INPP4B: variants seen among roughly 807,000 people sequenced by gnomAD.
The protein encoded by INPP4B is inositol polyphosphate-4-phosphatase type II B.
INPP4B carries 55 observed loss-of-function variants against 122.5 expected under a neutral mutation model. The ratio of observed to expected loss-of-function variants is 0.45; its 90% CI spans 0.36 to 0.56. The LOEUF (loss-of-function observed/expected upper bound fraction) is 0.56. Ranked by LOEUF, INPP4B falls within the 20% of genes least tolerant of loss-of-function variation. INPP4B has a pLI of 0.00. For synonymous variants in INPP4B, 403 were observed against 388.7 expected, an observed-to-expected ratio of 1.04 and a Z score of -0.43; for missense variants, 1,000 against 1,097.7, an observed-to-expected ratio of 0.91 and a Z score of 1.26.
intron 2 of INPP4B, among the ~76,000 whole-genome samples, chr4:142,482,720 C>T: frequency 6.6e-6 from 1 of 152,088 alleles, no homozygotes; most frequent in East Asian, 1.9e-4. Context: ...ATGCTTTGTA[C>T]TGAGATTAAA....
Position 142,617,601 on chromosome 4 carries a change from T to C in INPP4B, c.-191+108238A>G, listed in dbSNP as rs540274329. On this transcript the variant is annotated intron_variant, in intron 2 of 25. Coordinates refer to ENST00000262992, the MANE Select transcript of INPP4B (RefSeq NM_001101669.3). ...AAGAGAGAAGGCGCTGCCATTAATT[T>C]CATAAAGGTTAGCCCGTGAGCAATA... 2.6e-4 allele frequency among the ~76,000 whole-genome samples: 39 copies of C among 152,204 alleles called. No individual in the cohort carries two copies. The South Asian group carries it at 8.1e-3, about 32-fold the overall frequency.
intron 1 of INPP4B, among the ~76,000 whole-genome samples, chr4:142,834,709 A>G (rs1214179671): frequency 6.6e-6 from 1 of 152,166 alleles, no homozygotes; most frequent in East Asian, 1.9e-4. Flanking sequence ...TCCCATTGCA[A>G]TGTTTTTGTT....
At chr4:142,429,037 T>A (rs541827310) in intron 5 of INPP4B, 136 bp downstream of exon 5, 2 of 570,928 alleles carry the variant, frequency 3.5e-6, no homozygotes, top group African/African-American at 3.9e-5. Flanking sequence ...ACCTACCTTA[T>A]AGAACAATTT....
At chr4:142,187,686 C>A (rs1833780688) in intron 15 of INPP4B, among the ~76,000 whole-genome samples, 1 of 152,026 alleles carries the variant, frequency 6.6e-6, no homozygotes, top group Admixed American at 6.6e-5. Flanking sequence ...CTCCACCTTG[C>A]AGGCTCAAGT....
intron 7 of INPP4B, among the ~76,000 whole-genome samples, chr4:142,315,349 C>A (rs1767140505): frequency 6.6e-6 from 1 of 152,098 alleles, no homozygotes; most frequent in Non-Finnish European, 1.5e-5. Context: ...ATATCATCAT[C>A]TGAATTTACT....
intron 2 of INPP4B, among the ~76,000 whole-genome samples, chr4:142,539,839 T>C (rs756043872): frequency 6.6e-6 from 1 of 152,066 alleles, no homozygotes; most frequent in Admixed American, 6.6e-5. Flanking sequence ...TGAATTAGCG[T>C]ACTTTAGATG....
At chr4:142,467,499 C>A (rs756901376) in intron 2 of INPP4B, among the ~76,000 whole-genome samples, 2 of 152,120 alleles carry the variant, frequency 1.3e-5, no homozygotes, top group African/African-American at 2.4e-5. Context: ...ATGCTTATAC[C>A]ACCATTGTAT....
At chr4:142,041,163 C>T (rs991827486) in intron 25 of INPP4B, among the ~76,000 whole-genome samples, 4 of 151,732 alleles carry the variant, frequency 2.6e-5, no homozygotes, top group East Asian at 1.9e-4. Flanking sequence ...ATGAGTAACA[C>T]GAAAAAAAAT....
chr4:142,113,712 A>T (rs1014877387), intron 21 of INPP4B, among the ~76,000 whole-genome samples: 1 of 152,020 alleles, frequency 6.6e-6, no homozygotes, highest in Non-Finnish European at 1.5e-5. Context: ...CCTGGCTAAC[A>T]GTTTTTCAGG....
At chr4:142,566,766 G>A (rs936862118) in intron 2 of INPP4B, among the ~76,000 whole-genome samples, 2 of 152,106 alleles carry the variant, frequency 1.3e-5, no homozygotes, top group African/African-American at 4.8e-5. Flanking sequence ...TGTGTATTGG[G>A]ACTCTCCAGG....
chr4:142,237,927 C>G lies in INPP4B; in HGVS notation c.773G>C (p.Ser258Thr). The G allele has an allele frequency of 6.3e-7, 1 of 1,579,940 alleles. No homozygotes were observed. The highest frequency in any genetic ancestry group is 8.7e-7 in the Non-Finnish European group (1 of 1,152,182). ...WMRIREQMSESILSFHIPKEL... is the reference protein window; with the variant it reads ...WMRIREQMSETILSFHIPKEL... ...CTTAGGAATATGAAAGGAAAGAATG[C>G]TCTCTGACATCTGCTCTCGAATTCG... The change falls in exon 12 of 26, where the codon AGC becomes ACC. Residue 258 changes from serine to threonine, a missense_variant. Physicochemically the swap from Ser to Thr is moderately conservative, Grantham distance 58. Transcript: ENST00000262992.
At chr4:142,054,224 A>G (rs1756265363) in intron 25 of INPP4B, among the ~76,000 whole-genome samples, 1 of 151,870 alleles carries the variant, frequency 6.6e-6, no homozygotes, top group Non-Finnish European at 1.5e-5. Context: ...CCCCACGCTC[A>G]ATGCAACAAT....
intron 25 of INPP4B, among the ~76,000 whole-genome samples, chr4:142,033,982 T>C (rs911146963): frequency 6.6e-6 from 1 of 152,104 alleles, no homozygotes; most frequent in African/African-American, 2.4e-5. Flanking sequence ...TTCATTCTTA[T>C]TGAGTACTGA....
At chr4:142,058,581 C>T (rs2152426455) in intron 25 of INPP4B, among the ~76,000 whole-genome samples, 1 of 152,186 alleles carries the variant, frequency 6.6e-6, no homozygotes, top group South Asian at 2.1e-4. Flanking sequence ...AATTCATATA[C>T]CACTCTCATA....
At chr4:142,573,130 A>G (rs182485024) in intron 2 of INPP4B, among the ~76,000 whole-genome samples, 6 of 152,050 alleles carry the variant, frequency 3.9e-5, no homozygotes, top group Non-Finnish European at 7.4e-5. Flanking sequence ...ATGGTGGAGC[A>G]GGGGAGAGAG....
At chr4:142,665,410 C>T (rs957854388) in intron 2 of INPP4B, among the ~76,000 whole-genome samples, 3 of 146,958 alleles carry the variant, frequency 2.0e-5, no homozygotes, top group Non-Finnish European at 4.5e-5. Flanking sequence ...AGGAGAATGG[C>T]GTGAACCTGG....
intron 1 of INPP4B, among the ~76,000 whole-genome samples, chr4:142,773,486 C>A (rs1458138458): frequency 1.3e-5 from 2 of 152,164 alleles, no homozygotes; most frequent in Non-Finnish European, 2.9e-5. Context: ...CAAATGTACA[C>A]ACACACATTA....
chr4:142,238,571 T>A (rs1256010847), intron 11 of INPP4B, among the ~76,000 whole-genome samples: 5 of 152,088 alleles, frequency 3.3e-5, no homozygotes, highest in Admixed American at 6.6e-5. Flanking sequence ...AGGTTCACTC[T>A]TTTGTCTTAA....
intron 10 of INPP4B, among the ~76,000 whole-genome samples, chr4:142,265,918 C>T (rs959700483): frequency 1.3e-5 from 2 of 152,132 alleles, no homozygotes; most frequent in Non-Finnish European, 2.9e-5. Flanking sequence ...ATTTAATTTC[C>T]ACTACCTTAT....
Sources: gnomAD v4.1 joint callset for allele counts (sites outside exome capture counted in the v4.1 genomes callset) on GRCh38, gnomAD v4.1.1 for gene constraint, MANE v1.5 for transcripts, NCBI Gene and HGNC (gene_info 2026-07-23, HGNC 2026-07-21) for gene names.